Variants in CDH13 observed in about 807,000 individuals in gnomAD.
CDH13 encodes cadherin 13.
A neutral mutation model predicts 63.8 loss-of-function variants in CDH13; 24 were observed. The ratio of observed to expected loss-of-function variants is 0.38; its 90% CI spans 0.27 to 0.53. The LOEUF (loss-of-function observed/expected upper bound fraction) is 0.53. Among genes scored for constraint, CDH13 ranks in the 20% least tolerant of loss-of-function variants. CDH13 has a pLI of 0.85. For missense variants in CDH13, 1,049 were observed against 903.1 expected (o/e 1.16, Z -2.07); for synonymous variants, 503 against 355.3 (o/e 1.42, Z -4.67).
In CDH13 at chr16:83,377,939, C is replaced by G. The variant is rs146224321; in HGVS notation, c.781+32933C>G. Among the ~76,000 whole-genome samples the G allele has an allele frequency of 1.2e-4, 18 of 152,242 alleles. No individual in the cohort carries two copies. In the East Asian group the frequency reaches 2.9e-3, roughly 25 times the overall value. On this transcript the variant is annotated intron_variant, in intron 6 of 13. Transcript: ENST00000567109. ...AAGTACCCCTCTGGAAAGAAGCAGACCATTGAGGTCTTGGCTTAATGAGTA... is the reference window on the plus strand; with the variant it reads ...AAGTACCCCTCTGGAAAGAAGCAGAGCATTGAGGTCTTGGCTTAATGAGTA...
At position 82,831,596 on chromosome 16, in the gene CDH13, G is replaced by A. The variant is rs117359911; in HGVS notation, c.46-26766G>A. 8.9e-3 allele frequency among the ~76,000 whole-genome samples: 1,360 copies of A among 152,194 alleles called. 21 individuals are homozygous for A. The highest frequency in any genetic ancestry group is 0.072 in the South Asian group (346 of 4,816). On this transcript the variant is annotated intron_variant, in intron 1 of 13. Transcript: ENST00000567109. ...ACCCCAGCTGTGGACCACACTACCC[G>A]AAGAGAACCAACAACCAAATCAATA... is the stretch of plus-strand genomic sequence containing the variant.
intron 10 of CDH13, among the ~76,000 whole-genome samples, chr16:83,714,771 G>A (rs1908635194): frequency 6.6e-6 from 1 of 152,158 alleles, no homozygotes; most frequent in African/African-American, 2.4e-5. Flanking sequence ...ATAGAAGACA[G>A]AAATGGGAAA....
At chr16:83,444,331 A>T (rs1032862283) in intron 6 of CDH13, among the ~76,000 whole-genome samples, 6 of 152,178 alleles carry the variant, frequency 3.9e-5, no homozygotes, top group African/African-American at 1.4e-4. Flanking sequence ...TATCTTATTT[A>T]ATCTTCAGCA....
At chr16:83,198,873 A>G (rs1028897285) in intron 4 of CDH13, among the ~76,000 whole-genome samples, 2 of 152,202 alleles carry the variant, frequency 1.3e-5, no homozygotes, top group African/African-American at 4.8e-5. Flanking sequence ...AAATTAAATA[A>G]TGGGGTTTTT....
chr16:82,983,921 A>G (rs1910608215), intron 2 of CDH13, among the ~76,000 whole-genome samples: 1 of 152,184 alleles, frequency 6.6e-6, no homozygotes. Flanking sequence ...TCATGTAAAG[A>G]GGGCTTTTCC....
chr16:83,573,046 A>AATAT (rs1809289395), intron 7 of CDH13, among the ~76,000 whole-genome samples: 1 of 152,164 alleles, frequency 6.6e-6, no homozygotes, highest in African/African-American at 2.4e-5. Flanking sequence ...TCATCCACAG[A>AATAT]ATATAGTAAG....
chr16:83,356,424 G>A (rs76279343), intron 6 of CDH13, among the ~76,000 whole-genome samples: 2,576 of 152,144 alleles, frequency 0.017, 78 homozygotes, highest in African/African-American at 0.058. Context: ...TCAACAACTC[G>A]AAGATTCATA....
chr16:83,258,113 G>A (rs1252695993), intron 5 of CDH13, among the ~76,000 whole-genome samples: 1 of 152,154 alleles, frequency 6.6e-6, no homozygotes, highest in Non-Finnish European at 1.5e-5. Flanking sequence ...TAAATTAGTG[G>A]TTATTTGGGG....
At chr16:82,823,914 A>G (rs1368948387) in intron 1 of CDH13, 1 of 152,182 alleles carries the variant, frequency 6.6e-6, no homozygotes, top group East Asian at 1.9e-4. Flanking sequence ...AAGCCCTAGA[A>G]ACAGTGACCA....
At chr16:82,805,878 A>G (rs534361333) in intron 1 of CDH13, among the ~76,000 whole-genome samples, 3 of 152,180 alleles carry the variant, frequency 2.0e-5, no homozygotes, top group Non-Finnish European at 4.4e-5. Context: ...TGCAAATAAG[A>G]CAACTGTCTG....
At chr16:83,101,843 T>A (rs1253763675) in intron 3 of CDH13, among the ~76,000 whole-genome samples, 1 of 152,048 alleles carries the variant, frequency 6.6e-6, no homozygotes, top group Non-Finnish European at 1.5e-5. Flanking sequence ...ATGGAGTAGG[T>A]GACTTGTGAG....
intron 3 of CDH13, among the ~76,000 whole-genome samples, chr16:83,076,293 T>C (rs1471583956): frequency 6.6e-6 from 1 of 152,168 alleles, no homozygotes; most frequent in African/African-American, 2.4e-5. Flanking sequence ...AGGAAATGAC[T>C]GAAGCATTCA....
intron 10 of CDH13, among the ~76,000 whole-genome samples, chr16:83,679,402 A>C (rs999411239): frequency 1.3e-5 from 2 of 152,212 alleles, no homozygotes; most frequent in Non-Finnish European, 2.9e-5. Flanking sequence ...CTTAAAACGA[A>C]CATGTGTCTG....
At chr16:83,635,884 C>T (rs1911218143) in intron 8 of CDH13, among the ~76,000 whole-genome samples, 1 of 152,100 alleles carries the variant, frequency 6.6e-6, no homozygotes, top group African/African-American at 2.4e-5. Flanking sequence ...TTGCCTAGCC[C>T]TAGGTGTTAA....
chr16:82,943,814 G>A (rs976620020), intron 2 of CDH13, among the ~76,000 whole-genome samples: 3 of 152,198 alleles, frequency 2.0e-5, no homozygotes, highest in Non-Finnish European at 4.4e-5. Flanking sequence ...AAGACAAAAT[G>A]CTATTAATAA....
rs1000874996 is a variant in CDH13 at position 83,795,222 on chromosome 16, C to T, written c.*192C>T. On this transcript the variant is annotated 3_prime_UTR_variant, in exon 14 of 14. Transcript: ENST00000567109. ...TCATTTTGACAGCATCTTCCTCCCT[C>T]CTTTAATTAATGGAATCTTCTGAAT... 2 of 535,090 alleles carry T rather than the reference C, an allele frequency of 3.7e-6. No homozygotes were observed. Among genetic ancestry groups the T allele is most frequent in the Non-Finnish European group, 6.6e-6 (2 of 301,298 alleles). 33.1% of individuals were successfully genotyped at this position (535,090 alleles called of 1,614,324 possible). A position where few individuals can be genotyped will look rare whatever the true frequency, so the allele number is the denominator to read the frequency against.
At chr16:83,531,988 G>C (rs146484398) in intron 7 of CDH13, among the ~76,000 whole-genome samples, 1 of 152,108 alleles carries the variant, frequency 6.6e-6, no homozygotes, top group Non-Finnish European at 1.5e-5. Flanking sequence ...GGAGGCACCC[G>C]GTGGGAGGTA....
chr16:82,689,656 A>G (rs1915438846), intron 1 of CDH13, among the ~76,000 whole-genome samples: 1 of 152,158 alleles, frequency 6.6e-6, no homozygotes, highest in African/African-American at 2.4e-5. Flanking sequence ...AATCAGGATC[A>G]TGGATGTGCA....
At chr16:83,768,481 A>G (rs992187629) in intron 11 of CDH13, among the ~76,000 whole-genome samples, 21 of 152,210 alleles carry the variant, frequency 1.4e-4, no homozygotes, top group African/African-American at 5.1e-4. Flanking sequence ...GTTAATGGAA[A>G]GGGGTCATGA....
Sources: allele counts gnomAD v4.1 joint callset (sites outside exome capture counted in the v4.1 genomes callset), GRCh38; gene constraint gnomAD v4.1.1; transcripts MANE v1.5; gene names NCBI Gene and HGNC (gene_info 2026-07-23, HGNC 2026-07-21).